SPMIP2: variants seen among roughly 807,000 people sequenced by gnomAD.
The protein encoded by SPMIP2 is sperm microtubule inner protein 2, also known as protein SPMIP2.
chr4:159,040,693 TG>T, the SPMIP2 span, among the ~76,000 whole-genome samples: 2 of 152,138 alleles, frequency 1.3e-5, no homozygotes, highest in Non-Finnish European at 2.9e-5. Flanking sequence ...CTTGAACTCC[TG>T]GCCTCAAGAT....
At chr4:159,037,226 A>G in the SPMIP2 span, among the ~76,000 whole-genome samples, 2 of 152,198 alleles carry the variant, frequency 1.3e-5, no homozygotes, top group South Asian at 4.1e-4. Context: ...GCTGGAGGGA[A>G]GGGAAAATAT....
the SPMIP2 span, among the ~76,000 whole-genome samples, chr4:158,908,259 G>A: frequency 6.6e-6 from 1 of 152,060 alleles, no homozygotes; most frequent in Admixed American, 6.6e-5. Context: ...TAGGCGAGAG[G>A]TCCTGCACCA....
At chr4:159,025,243 C>A in the SPMIP2 span, among the ~76,000 whole-genome samples, 1 of 152,210 alleles carries the variant, frequency 6.6e-6, no homozygotes, top group Non-Finnish European at 1.5e-5. Flanking sequence ...TGGCTCACTG[C>A]AACCTCTATC....
the SPMIP2 span, among the ~76,000 whole-genome samples, chr4:158,917,305 TA>T: frequency 1.3e-5 from 2 of 151,894 alleles, no homozygotes; most frequent in African/African-American, 4.8e-5. Context: ...TGCACGCCTG[TA>T]ATCCCAGCTA....
the SPMIP2 span, among the ~76,000 whole-genome samples, chr4:158,910,004 T>G: frequency 3.3e-5 from 5 of 151,952 alleles, 1 homozygote; most frequent in Admixed American, 3.3e-4. Context: ...ATTGTGCCAC[T>G]GCACTCCAGC....
the SPMIP2 span, among the ~76,000 whole-genome samples, chr4:158,922,962 A>G: frequency 6.6e-6 from 1 of 152,206 alleles, no homozygotes; most frequent in Non-Finnish European, 1.5e-5. Context: ...TAGTTTGTTT[A>G]TACATATTCA....
At chr4:158,904,564 C>A in the SPMIP2 span, 1 of 1,601,578 alleles carries the variant, frequency 6.2e-7, no homozygotes, top group Non-Finnish European at 8.5e-7. Flanking sequence ...CAGGACAGTT[C>A]TTCCTTGGAA....
the SPMIP2 span, among the ~76,000 whole-genome samples, chr4:158,968,710 A>G: frequency 6.6e-6 from 1 of 152,212 alleles, no homozygotes; most frequent in African/African-American, 2.4e-5. Flanking sequence ...TCACAGTACC[A>G]TTCTTATTAA....
chr4:158,930,944 T>A, the SPMIP2 span, among the ~76,000 whole-genome samples: 4 of 152,150 alleles, frequency 2.6e-5, no homozygotes, highest in African/African-American at 7.2e-5. Flanking sequence ...CTCTTGAATA[T>A]ATAGATTACT....
chr4:158,929,937 T>G, the SPMIP2 span, among the ~76,000 whole-genome samples: 1 of 152,198 alleles, frequency 6.6e-6, no homozygotes, highest in African/African-American at 2.4e-5. Context: ...GCCTGAAATA[T>G]TCTCTTTAGC....
At chr4:159,018,707 A>C in the SPMIP2 span, among the ~76,000 whole-genome samples, 1 of 152,162 alleles carries the variant, frequency 6.6e-6, no homozygotes. Flanking sequence ...GAATTACTGC[A>C]ATCAATTTGG....
At chr4:159,010,032 T>C in the SPMIP2 span, among the ~76,000 whole-genome samples, 1 of 152,126 alleles carries the variant, frequency 6.6e-6, no homozygotes, top group African/African-American at 2.4e-5. Flanking sequence ...AAACTACTCC[T>C]TGTGATTTCT....
the SPMIP2 span, among the ~76,000 whole-genome samples, chr4:158,908,914 C>G: frequency 6.6e-6 from 1 of 152,158 alleles, no homozygotes; most frequent in African/African-American, 2.4e-5. Context: ...TCTTGAACTC[C>G]TGACCTCAGG....
the SPMIP2 span, among the ~76,000 whole-genome samples, chr4:159,027,866 A>T: frequency 1.3e-5 from 2 of 152,188 alleles, no homozygotes. Flanking sequence ...CATTCATCAT[A>T]TCGTTTTTTG....
chr4:158,996,612 G>A, the SPMIP2 span, among the ~76,000 whole-genome samples: 7 of 152,172 alleles, frequency 4.6e-5, no homozygotes, highest in Admixed American at 1.3e-4. Context: ...AGGAATCCAG[G>A]GTTGCTTTCT....
chr4:158,938,139 G>C, the SPMIP2 span, among the ~76,000 whole-genome samples: 1 of 152,198 alleles, frequency 6.6e-6, no homozygotes, highest in African/African-American at 2.4e-5. Context: ...TACCCATGCT[G>C]TCTGGGGATC....
At chr4:158,893,431 G>A in the SPMIP2 span, 1 of 393,686 alleles carries the variant, frequency 2.5e-6, no homozygotes, top group Non-Finnish European at 4.6e-6. Flanking sequence ...TTGGAATAGT[G>A]TTAGATGTTA....
At chr4:158,895,762 C>G in the SPMIP2 span, 39 of 1,610,002 alleles carry the variant, frequency 2.4e-5, no homozygotes, top group African/African-American at 3.9e-4. Context: ...CATCATGCAT[C>G]TTGAAGATAG....
chr4:159,003,426 T>C, the SPMIP2 span, among the ~76,000 whole-genome samples: 1 of 152,338 alleles, frequency 6.6e-6, no homozygotes, highest in East Asian at 1.9e-4. Context: ...ATGTGAGGCA[T>C]GTCTAGTCCT....
Sources: allele counts gnomAD v4.1 joint callset (sites outside exome capture counted in the v4.1 genomes callset), GRCh38; gene constraint gnomAD v4.1.1; transcripts MANE v1.5; gene names NCBI Gene and HGNC (gene_info 2026-07-23, HGNC 2026-07-21).